Variants in DYNC1I2 observed in about 807,000 individuals in gnomAD.
The protein encoded by DYNC1I2 is dynein cytoplasmic 1 intermediate chain 2.
In DYNC1I2, 53 loss-of-function variants were observed where a neutral mutation model predicts 88.6. The observed-to-expected ratio is 0.60, with a 90% CI of 0.48 to 0.75. The LOEUF (loss-of-function observed/expected upper bound fraction) is 0.75. Among genes scored for constraint, DYNC1I2 ranks in the 30% least tolerant of loss-of-function variants. The pLI is 0.00. For missense variants in DYNC1I2, 458 were observed against 766.6 expected, an observed-to-expected ratio of 0.60 and a Z score of 4.75; for synonymous variants, 198 against 254.6, an observed-to-expected ratio of 0.78 and a Z score of 2.12.
chr2:171,716,782 T>G (rs972865899), intron 7 of DYNC1I2, among the ~76,000 whole-genome samples: 1 of 151,946 alleles, frequency 6.6e-6, no homozygotes, highest in Admixed American at 6.6e-5. Flanking sequence ...GGTGGGTGCC[T>G]GTAATCCCAA....
Position 171,726,903 on chromosome 2 carries a change from T to C in DYNC1I2, c.983T>C (p.Val328Ala). ...MKYKKTTPEY[V>A]FHCQSAVMSA... ...TACAAAAAAACTACCCCAGAGTATG[T>C]GTTTCACTGCCAGGTATGGTGGTCT... Residue 328 changes from valine to alanine, a missense_variant, in exon 11 of 18, where the codon GTG (valine) becomes GCG (alanine). By Grantham distance (64) the Val-to-Ala change is moderately conservative. Coordinates refer to ENST00000397119, the MANE Select transcript of DYNC1I2 (RefSeq NM_001378.3). 6.2e-7 allele frequency: 1 copy of C among 1,609,268 alleles called. No individual in the cohort carries two copies. The highest frequency in any genetic ancestry group is 8.5e-7 in the Non-Finnish European group (1 of 1,177,802).
intron 3 of DYNC1I2, among the ~76,000 whole-genome samples, chr2:171,695,527 T>C (rs1448777045): frequency 2.0e-5 from 3 of 152,250 alleles, no homozygotes; most frequent in African/African-American, 7.2e-5. Context: ...TATTCCATGT[T>C]GCTATATACG....
chr2:171,688,844 C>G (rs1251576300), intron 1 of DYNC1I2, among the ~76,000 whole-genome samples: 2 of 152,094 alleles, frequency 1.3e-5, no homozygotes, highest in African/African-American at 4.8e-5. Context: ...TCTGGAAATA[C>G]AGTTTTCCAG....
chr2:171,731,584 G>A (rs7604918), intron 15 of DYNC1I2, among the ~76,000 whole-genome samples: 43,963 of 151,934 alleles, frequency 0.29, 6,667 homozygotes, highest in African/African-American at 0.38. Context: ...GAGACCCCAT[G>A]TTTACAAAAA....
At chr2:171,729,365 A>G (rs1222318815) in intron 14 of DYNC1I2, among the ~76,000 whole-genome samples, 2 of 152,176 alleles carry the variant, frequency 1.3e-5, no homozygotes, top group Non-Finnish European at 1.5e-5. Flanking sequence ...CATCTCAAAT[A>G]TAGATCACCT....
At position 171,726,301 on chromosome 2, in the gene DYNC1I2, A is replaced by C; in HGVS notation, c.870+8A>C. The stretch of plus-strand genomic sequence containing the variant: ...TTGGATTGGTCATCTCAGGTAAAAT[A>C]TAACAAAATAGGCCGCTCTTAACTC... On this transcript the variant is annotated splice_region_variant and intron_variant, in intron 10 of 17. Transcript: ENST00000397119. The C allele has an allele frequency of 6.3e-7, 1 of 1,588,006 alleles. No individual in the cohort carries two copies. The highest frequency in any genetic ancestry group is 8.6e-7 in the Non-Finnish European group (1 of 1,164,570).
chr2:171,720,709 C>T (rs755131028), intron 7 of DYNC1I2, among the ~76,000 whole-genome samples: 13 of 151,928 alleles, frequency 8.6e-5, no homozygotes, highest in South Asian at 2.1e-4. Flanking sequence ...CAAGCCAGGG[C>T]GACAGAGTGA....
intron 16 of DYNC1I2, among the ~76,000 whole-genome samples, chr2:171,744,864 A>C (rs1248191215): frequency 1.3e-5 from 2 of 152,174 alleles, no homozygotes; most frequent in Non-Finnish European, 2.9e-5. Flanking sequence ...TAATATAATT[A>C]ATATTAGCAT....
chr2:171,747,774 AG>A lies in DYNC1I2; in HGVS notation c.1804-1del. On this transcript the variant is annotated splice_acceptor_variant, in intron 17 of 17. Transcript: ENST00000397119. LOFTEE classifies it high-confidence loss of function. ...TATAAAACATTGTCTTTCTTTTAAC[AG>A]CAGATTGCTGTTCCCCGCAATGATG... The A allele has an allele frequency of 6.3e-7, 1 of 1,598,088 alleles. No homozygotes were observed. The highest frequency in any genetic ancestry group is 8.6e-7 in the Non-Finnish European group (1 of 1,168,228).
intron 3 of DYNC1I2, among the ~76,000 whole-genome samples, chr2:171,696,392 G>A (rs1414052932): frequency 3.9e-5 from 6 of 152,146 alleles, no homozygotes; most frequent in Non-Finnish European, 2.9e-5. Context: ...TAGGTATAAT[G>A]CAAATAGTCA....
chr2:171,730,005 A>G (rs1037372083), intron 15 of DYNC1I2, among the ~76,000 whole-genome samples, 152 bp downstream of exon 15: 1 of 152,240 alleles, frequency 6.6e-6, no homozygotes, highest in Admixed American at 6.5e-5. Context: ...TGAGTGAACT[A>G]CTAGATGTTG....
intron 2 of DYNC1I2, among the ~76,000 whole-genome samples, chr2:171,691,214 T>C (rs1002793047): frequency 6.6e-6 from 1 of 152,240 alleles, no homozygotes; most frequent in South Asian, 2.1e-4. Context: ...CAGGTACTTC[T>C]TTTGATTTTT....
In DYNC1I2 at chr2:171,725,910, A is replaced by T. The variant is rs755191992; in HGVS notation, c.608-9A>T. On this transcript the variant is annotated splice_polypyrimidine_tract_variant and intron_variant, in intron 8 of 17. Coordinates refer to ENST00000397119, the MANE Select transcript of DYNC1I2 (RefSeq NM_001378.3). Reference sequence around the variant, plus strand: ...TAAATCATACTTCAAAAAATTATTTATTTTCCAGCTCCCCCTCATGAGCTG... The same window carrying T: ...TAAATCATACTTCAAAAAATTATTTTTTTTCCAGCTCCCCCTCATGAGCTG... The T allele has an allele frequency of 6.4e-7, 1 of 1,559,416 alleles. No homozygotes were observed. The highest frequency in any genetic ancestry group is 8.6e-7 in the Non-Finnish European group (1 of 1,161,924).
At chr2:171,733,438 T>C (rs1000847342) in intron 15 of DYNC1I2, among the ~76,000 whole-genome samples, 1 of 146,898 alleles carries the variant, frequency 6.8e-6, no homozygotes, top group African/African-American at 2.4e-5. Flanking sequence ...CGTTCCTTTT[T>C]CTCCACAACC....
At chr2:171,729,545 G>A (rs1688470421) in intron 14 of DYNC1I2, among the ~76,000 whole-genome samples, 164 bp from the exon 15 acceptor site, 1 of 152,142 alleles carries the variant, frequency 6.6e-6, no homozygotes, top group Non-Finnish European at 1.5e-5. Context: ...TACCAAATGT[G>A]GATGGAATAA....
chr2:171,690,378 C>G (rs893056932), intron 2 of DYNC1I2, 115 bp downstream of exon 2: 2 of 693,686 alleles, frequency 2.9e-6, no homozygotes, highest in African/African-American at 3.6e-5. Context: ...AAAGTAATGG[C>G]AAAAATTATG....
chr2:171,745,283 C>A (rs1436105933), intron 16 of DYNC1I2, among the ~76,000 whole-genome samples: 1 of 152,146 alleles, frequency 6.6e-6, no homozygotes, highest in Non-Finnish European at 1.5e-5. Flanking sequence ...CTCCAGCTAG[C>A]TCATGGAACA....
intron 17 of DYNC1I2, 27 bp downstream of exon 17, chr2:171,745,954 G>T: frequency 6.2e-7 from 1 of 1,611,998 alleles, no homozygotes; most frequent in South Asian, 1.1e-5. Flanking sequence ...CTGTAATTTT[G>T]ACACATCGAT....
At chr2:171,693,063 ATTT>A (rs1685509094) in intron 3 of DYNC1I2, 169 bp downstream of exon 3, 2 of 597,114 alleles carry the variant, frequency 3.3e-6, no homozygotes, top group Admixed American at 3.0e-5. Context: ...GTACATGGTT[ATTT>A]TATTTGTTCA....
Sources: allele counts gnomAD v4.1 joint callset (sites outside exome capture counted in the v4.1 genomes callset), GRCh38; gene constraint gnomAD v4.1.1; transcripts MANE v1.5; gene names NCBI Gene and HGNC (gene_info 2026-07-23, HGNC 2026-07-21).